Variants in GPHN observed in about 807,000 individuals in gnomAD.
GPHN encodes the protein gephyrin.
GPHN carries 17 observed loss-of-function variants against 95.5 expected under a neutral mutation model. The ratio of observed to expected loss-of-function variants is 0.18; its 90% CI spans 0.12 to 0.27. GPHN has a LOEUF of 0.27. Ranked by LOEUF, GPHN falls within the 10% of genes least tolerant of loss-of-function variation. The probability of loss-of-function intolerance (pLI) is 1.00; values close to 1 mark genes in which losing one functional copy is unlikely to be tolerated. For missense variants in GPHN, 660 were observed against 978.1 expected, an observed-to-expected ratio of 0.67 and a Z score of 4.34; for synonymous variants, 320 against 322.5, an observed-to-expected ratio of 0.99 and a Z score of 0.08.
chr14:67,724,998 G>A, the GPHN span: 1 of 1,319,510 alleles, frequency 7.6e-7, no homozygotes, highest in Non-Finnish European at 1.1e-6. Context: ...AAGGATGGCT[G>A]GGAGAATGAA....
intron 1 of GPHN, among the ~76,000 whole-genome samples, chr14:66,652,723 A>G (rs897321324): frequency 3.3e-5 from 5 of 152,048 alleles, no homozygotes; most frequent in South Asian, 2.1e-4. Context: ...CGGTGGGGCA[A>G]TTGTGGTCAT....
At chr14:67,107,489 A>G (rs1433482575) in intron 13 of GPHN, among the ~76,000 whole-genome samples, 1 of 152,130 alleles carries the variant, frequency 6.6e-6, no homozygotes, top group East Asian at 1.9e-4. Context: ...CTGTGATTTT[A>G]TACCTCATGG....
the GPHN span, among the ~76,000 whole-genome samples, chr14:67,728,639 C>A: frequency 2.7e-5 from 4 of 150,454 alleles, no homozygotes; most frequent in African/African-American, 9.8e-5. Context: ...ACATTTAAAG[C>A]ATGTTGTATG....
At chr14:67,718,812 A>G in the GPHN span, among the ~76,000 whole-genome samples, 12 of 152,198 alleles carry the variant, frequency 7.9e-5, no homozygotes, top group Non-Finnish European at 1.3e-4. Flanking sequence ...GGCTTTGCTT[A>G]TGTGCCAAAG....
chr14:67,222,928 C>CA, the GPHN span, among the ~76,000 whole-genome samples: 7 of 149,246 alleles, frequency 4.7e-5, no homozygotes, highest in Non-Finnish European at 8.9e-5. Flanking sequence ...GTCAGTCCCA[C>CA]AAAAAACAGC....
At chr14:66,924,134 C>A in intron 7 of GPHN, 60 bp from the exon 8 acceptor site, 1 of 921,276 alleles carries the variant, frequency 1.1e-6, no homozygotes, top group Non-Finnish European at 1.8e-6. Context: ...AGTCATTTTG[C>A]TTGTATAGTT....
At position 66,635,955 on chromosome 14, in the gene GPHN, G is replaced by A. The variant is rs557605672; in HGVS notation, c.65-45152G>A. On this transcript the variant is annotated intron_variant, in intron 1 of 22. Coordinates refer to ENST00000478722, the MANE Select transcript of GPHN (RefSeq NM_020806.5). ...AGATCGAGACCATCCTGGCTAACAC[G>A]GTGAAACTCCGTCTCTACTAAAGAA... 5.9e-5 allele frequency among the ~76,000 whole-genome samples: 9 copies of A among 151,738 alleles called. No homozygotes were observed. In the East Asian group the frequency reaches 1.2e-3, roughly 20 times the overall value.
chr14:67,626,258 G>C, the GPHN span, among the ~76,000 whole-genome samples: 1 of 146,796 alleles, frequency 6.8e-6, no homozygotes, highest in Admixed American at 6.8e-5. Flanking sequence ...TGTCTCAGGG[G>C]AAAAAAAAAA....
At chr14:66,606,770 T>C (rs951935983) in intron 1 of GPHN, among the ~76,000 whole-genome samples, 2 of 152,162 alleles carry the variant, frequency 1.3e-5, no homozygotes, top group African/African-American at 2.4e-5. Context: ...AGAATGTTTT[T>C]GGTGTATAGA....
At chr14:67,491,389 C>T in the GPHN span, among the ~76,000 whole-genome samples, 4 of 152,216 alleles carry the variant, frequency 2.6e-5, no homozygotes, top group Non-Finnish European at 5.9e-5. Flanking sequence ...TGTTCTAATC[C>T]TCTAAGCATT....
chr14:67,586,040 CAA>C, the GPHN span: 1 of 1,613,846 alleles, frequency 6.2e-7, no homozygotes, highest in African/African-American at 1.3e-5. Flanking sequence ...CTATCCCAGA[CAA>C]GAGCTCTGGA....
At chr14:67,292,939 T>G in the GPHN span, among the ~76,000 whole-genome samples, 1 of 152,182 alleles carries the variant, frequency 6.6e-6, no homozygotes, top group East Asian at 1.9e-4. Flanking sequence ...AAGAGTTAAT[T>G]TTTTATATAT....
the GPHN span, among the ~76,000 whole-genome samples, chr14:67,596,235 T>C: frequency 6.6e-6 from 1 of 150,824 alleles, no homozygotes; most frequent in Non-Finnish European, 1.5e-5. Context: ...TTCAAGTGAT[T>C]CTCCTGCCTC....
At chr14:66,792,459 G>A (rs2060004167) in intron 3 of GPHN, among the ~76,000 whole-genome samples, 1 of 151,500 alleles carries the variant, frequency 6.6e-6, no homozygotes, top group Non-Finnish European at 1.5e-5. Context: ...ACTGCAGTGA[G>A]CTGTGATCAC....
At chr14:67,205,476 T>C in the GPHN span, among the ~76,000 whole-genome samples, 3 of 152,192 alleles carry the variant, frequency 2.0e-5, no homozygotes, top group African/African-American at 7.2e-5. Context: ...AAGGGTTAAT[T>C]TCTGGTTTAA....
chr14:67,501,351 C>T, the GPHN span, among the ~76,000 whole-genome samples: 473 of 152,044 alleles, frequency 3.1e-3, 3 homozygotes, highest in Non-Finnish European at 3.9e-3. Flanking sequence ...TCAAGATAAA[C>T]GATACCTTAT....
the GPHN span, chr14:67,575,456 G>A: frequency 2.6e-5 from 41 of 1,602,720 alleles, no homozygotes; most frequent in East Asian, 1.6e-4. Flanking sequence ...TACTACTATC[G>A]GAGCCATGAG....
At chr14:67,568,695 C>T in the GPHN span, among the ~76,000 whole-genome samples, 257 of 152,264 alleles carry the variant, frequency 1.7e-3, 2 homozygotes, top group African/African-American at 5.7e-3. Flanking sequence ...GAGCCCTTGT[C>T]GTGTGGCCGC....
chr14:67,661,388 GTACC>G, the GPHN span, among the ~76,000 whole-genome samples: 1 of 151,290 alleles, frequency 6.6e-6, no homozygotes, highest in Non-Finnish European at 1.5e-5. Context: ...CAAACTTTGG[GTACC>G]AACTGAGACT....
Sources: allele counts gnomAD v4.1 joint callset (sites outside exome capture counted in the v4.1 genomes callset), GRCh38; gene constraint gnomAD v4.1.1; transcripts MANE v1.5; gene names NCBI Gene and HGNC (gene_info 2026-07-23, HGNC 2026-07-21).